UNC5D: variants seen among roughly 807,000 people sequenced by gnomAD.
UNC5D encodes the protein netrin receptor UNC5D.
A neutral mutation model predicts 105.4 loss-of-function variants in UNC5D; 39 were observed. That is an observed-to-expected ratio of 0.37 (90% CI 0.29 to 0.48). The LOEUF (loss-of-function observed/expected upper bound fraction) is 0.48, where lower values mean the gene tolerates loss of function less well. UNC5D is among the 20% of genes least tolerant of loss of function. The probability of loss-of-function intolerance (pLI) is 0.98; values close to 1 mark genes in which losing one functional copy is unlikely to be tolerated. For synonymous variants in UNC5D, 452 were observed against 450.4 expected, an observed-to-expected ratio of 1.00 and a Z score of -0.04; for missense variants, 991 against 1,202.4, an observed-to-expected ratio of 0.82 and a Z score of 2.60.
intron 4 of UNC5D, among the ~76,000 whole-genome samples, chr8:35,600,265 G>A (rs530680547): frequency 5.5e-4 from 84 of 152,174 alleles, no homozygotes; most frequent in African/African-American, 2.0e-3. Flanking sequence ...ATAAACATAC[G>A]TGCACATGTG....
At chr8:35,788,597 T>C (rs1016667131) in intron 16 of UNC5D, among the ~76,000 whole-genome samples, 5 of 152,064 alleles carry the variant, frequency 3.3e-5, no homozygotes, top group Non-Finnish European at 7.4e-5. Context: ...ACACCTATCA[T>C]AGTATTATCA....
chr8:35,416,352 G>A (rs912198371), intron 1 of UNC5D, among the ~76,000 whole-genome samples: 3 of 152,070 alleles, frequency 2.0e-5, no homozygotes, highest in African/African-American at 4.8e-5. Flanking sequence ...ACAGAGCCCA[G>A]CAAAAGAAAG....
At chr8:35,638,806 A>T (rs1822536996) in intron 4 of UNC5D, among the ~76,000 whole-genome samples, 1 of 152,104 alleles carries the variant, frequency 6.6e-6, no homozygotes, top group Non-Finnish European at 1.5e-5. Context: ...TCTCTTTAAA[A>T]AAAAAGTGAC....
chr8:35,564,946 G>C (rs1421563974), intron 2 of UNC5D, among the ~76,000 whole-genome samples: 3 of 152,122 alleles, frequency 2.0e-5, no homozygotes, highest in Non-Finnish European at 4.4e-5. Context: ...TTTTGTGGCT[G>C]AGTGGCGCTC....
At chr8:35,267,823 A>G (rs1278522164) in intron 1 of UNC5D, among the ~76,000 whole-genome samples, 2 of 152,158 alleles carry the variant, frequency 1.3e-5, no homozygotes, top group Non-Finnish European at 2.9e-5. Flanking sequence ...ATCAAAATGA[A>G]TACGTATTTT....
At chr8:35,533,803 C>T (rs1345008815) in intron 1 of UNC5D, among the ~76,000 whole-genome samples, 2 of 152,142 alleles carry the variant, frequency 1.3e-5, no homozygotes, top group South Asian at 2.1e-4. Context: ...GGGAGTAACC[C>T]GATTTTCCAA....
At chr8:35,647,014 G>A (rs554403740) in intron 4 of UNC5D, among the ~76,000 whole-genome samples, 13 of 152,208 alleles carry the variant, frequency 8.5e-5, no homozygotes, top group African/African-American at 3.1e-4. Flanking sequence ...CATAGATACA[G>A]CATTGAGTTC....
intron 3 of UNC5D, among the ~76,000 whole-genome samples, chr8:35,570,745 G>T (rs2130796187): frequency 6.6e-6 from 1 of 152,010 alleles, no homozygotes; most frequent in African/African-American, 2.4e-5. Context: ...CCTGAGGTCA[G>T]GAGTTCAAGA....
intron 1 of UNC5D, among the ~76,000 whole-genome samples, chr8:35,301,493 C>A (rs1224695008): frequency 2.0e-5 from 3 of 152,148 alleles, no homozygotes; most frequent in African/African-American, 7.2e-5. Context: ...CAAGCTATTA[C>A]AAGCTGAACG....
chr8:35,709,290 C>A (rs1210746677), intron 8 of UNC5D, among the ~76,000 whole-genome samples: 1 of 152,272 alleles, frequency 6.6e-6, no homozygotes, highest in Non-Finnish European at 1.5e-5. Context: ...ATGCATAGTG[C>A]TGAATGGTAT....
intron 4 of UNC5D, 135 bp downstream of exon 4, chr8:35,595,792 A>G (rs1468475491): frequency 1.4e-6 from 1 of 690,898 alleles, no homozygotes; most frequent in Non-Finnish European, 2.5e-6. Flanking sequence ...CTCAGTTGCT[A>G]AACACGGTGA....
At chr8:35,573,382 T>C (rs1266894005) in intron 3 of UNC5D, among the ~76,000 whole-genome samples, 1 of 152,008 alleles carries the variant, frequency 6.6e-6, no homozygotes. Flanking sequence ...GTTTTGGGGC[T>C]GTTGTCTGCT....
At chr8:35,607,755 T>C (rs2130961764) in intron 4 of UNC5D, among the ~76,000 whole-genome samples, 1 of 152,292 alleles carries the variant, frequency 6.6e-6, no homozygotes, top group Non-Finnish European at 1.5e-5. Context: ...CCTGCTGTCT[T>C]GTGAAGAGGT....
intron 3 of UNC5D, among the ~76,000 whole-genome samples, chr8:35,571,349 T>A (rs1423242777): frequency 6.6e-6 from 1 of 152,242 alleles, no homozygotes; most frequent in Non-Finnish European, 1.5e-5. Flanking sequence ...CCAATGTACT[T>A]AATATAATCT....
rs562733425 is a variant in UNC5D, at chr8:35,731,668, C to T, written c.1766+572C>T. Among the ~76,000 whole-genome samples the T allele has an allele frequency of 3.9e-5, 6 of 152,230 alleles. No homozygotes were observed. In the South Asian group the frequency reaches 1.2e-3, roughly 32 times the overall value. On this transcript the variant is annotated intron_variant, in intron 11 of 16. Transcript: ENST00000404895. ...TGAATCGTTAGGTCAGAAGCAGTGC[C>T]ACTCCATAAACGCTGACTGTCTCAG... is the stretch of plus-strand genomic sequence containing the variant.
intron 1 of UNC5D, among the ~76,000 whole-genome samples, chr8:35,454,472 G>A (rs1219500573): frequency 6.6e-6 from 1 of 152,068 alleles, no homozygotes; most frequent in African/African-American, 2.4e-5. Flanking sequence ...CTTTGTGAAG[G>A]TTTCCTCCTC....
chr8:35,308,888 G>A lies in UNC5D; in HGVS notation c.103+73001G>A, dbSNP rs115580535. ...ATTATGATTATTCCATGCCATGGAT[G>A]TTTTAGTCTTTAACAGGGAAGAATC... On this transcript the variant is annotated intron_variant, in intron 1 of 16. Transcript: ENST00000404895. Among the ~76,000 whole-genome samples the A allele has an allele frequency of 4.5e-3, 692 of 152,228 alleles. 5 individuals are homozygous for A. The highest frequency in any genetic ancestry group is 0.01 in the African/African-American group (433 of 41,542).
At chr8:35,366,994 T>A (rs940617745) in intron 1 of UNC5D, among the ~76,000 whole-genome samples, 30 of 152,198 alleles carry the variant, frequency 2.0e-4, no homozygotes, top group African/African-American at 7.0e-4. Flanking sequence ...CAATTTGACA[T>A]GACTCTAGTG....
In UNC5D at chr8:35,512,476, ATATAT is replaced by A. The variant is rs1563488063; in HGVS notation, c.104-36815_104-36811del. On this transcript the variant is annotated intron_variant, in intron 1 of 16. Transcript: ENST00000404895. ...GGCTAATAGTGAGCCATATATATAT[ATATAT>A]ATATATATATATATATATATATATA... Among the ~76,000 whole-genome samples the A allele has an allele frequency of 3.9e-5, 4 of 102,938 alleles. No individual in the cohort carries two copies. The East Asian group carries it at 1.1e-3, about 30-fold the overall frequency. 67.5% of individuals were successfully genotyped at this position (102,938 alleles called of 152,430 possible). A position where few individuals can be genotyped will look rare whatever the true frequency, so the allele number is the denominator to read the frequency against.
Sources: gnomAD v4.1 joint callset for allele counts (sites outside exome capture counted in the v4.1 genomes callset) on GRCh38, gnomAD v4.1.1 for gene constraint, MANE v1.5 for transcripts, NCBI Gene and HGNC (gene_info 2026-07-23, HGNC 2026-07-21) for gene names.